JAZF1: variants seen among roughly 807,000 people sequenced by gnomAD.
JAZF1 encodes JAZF zinc finger 1, also known as juxtaposed with another zinc finger protein 1.
A neutral mutation model predicts 26.4 loss-of-function variants in JAZF1; 8 were observed. The ratio of observed to expected loss-of-function variants is 0.30; its 90% CI spans 0.18 to 0.55. The LOEUF (loss-of-function observed/expected upper bound fraction) is 0.55. JAZF1 is among the 20% of genes least tolerant of loss of function. JAZF1 has a pLI of 0.94. For synonymous variants in JAZF1, 126 were observed against 122.3 expected (o/e 1.03, Z -0.20); for missense variants, 199 against 322.0 (o/e 0.62, Z 2.92).
chr7:27,964,863 C>T (rs1004105832), intron 2 of JAZF1, among the ~76,000 whole-genome samples: 1 of 152,004 alleles, frequency 6.6e-6, no homozygotes, highest in Non-Finnish European at 1.5e-5. Context: ...CAATAAAAGT[C>T]ATTTTAAAAA....
At chr7:27,994,108 C>A (rs1431428045) in intron 1 of JAZF1, among the ~76,000 whole-genome samples, 1 of 152,080 alleles carries the variant, frequency 6.6e-6, no homozygotes, top group Non-Finnish European at 1.5e-5. Flanking sequence ...TGTATGTGTA[C>A]AAAGATACAT....
chr7:28,179,045 T>A (rs1783590431), intron 1 of JAZF1, among the ~76,000 whole-genome samples: 1 of 152,224 alleles, frequency 6.6e-6, no homozygotes, highest in African/African-American at 2.4e-5. Flanking sequence ...CTCATTTTAT[T>A]CCTGCATAAA....
intron 2 of JAZF1, among the ~76,000 whole-genome samples, chr7:27,964,579 C>T (rs4722750): frequency 0.13 from 18,970 of 151,536 alleles, 1,357 homozygotes; most frequent in African/African-American, 0.19. Context: ...AATGATCCAC[C>T]CCTACCACCA....
At position 28,072,961 on chromosome 7, in the gene JAZF1, C is replaced by CA. The variant is rs1783999434; in HGVS notation, c.116-80981_116-80980insT. ...GTATTTAAGAAAAGTACAAAGACAA[C>CA]CTCTCTCACCTTGTTCCCCTCCTCC... On this transcript the variant is annotated intron_variant, in intron 1 of 4. Transcript: ENST00000283928. Among the ~76,000 whole-genome samples the CA allele has an allele frequency of 2.6e-5, 4 of 152,224 alleles. No individual in the cohort carries two copies. In the South Asian group the frequency reaches 6.2e-4, roughly 24 times the overall value.
At chr7:28,050,916 A>G (rs1223528432) in intron 1 of JAZF1, among the ~76,000 whole-genome samples, 1 of 152,030 alleles carries the variant, frequency 6.6e-6, no homozygotes, top group African/African-American at 2.4e-5. Context: ...GGCGGATCAC[A>G]AGGTCAGGAG....
At chr7:28,121,983 G>C (rs949851642) in intron 1 of JAZF1, among the ~76,000 whole-genome samples, 3 of 152,150 alleles carry the variant, frequency 2.0e-5, no homozygotes, top group African/African-American at 7.2e-5. Context: ...AAAAAGAAAA[G>C]TTTTCAAGAT....
intron 1 of JAZF1, among the ~76,000 whole-genome samples, chr7:28,040,382 T>G (rs527349483): frequency 1.6e-4 from 24 of 152,248 alleles, no homozygotes; most frequent in African/African-American, 4.1e-4. Context: ...AACAAATATG[T>G]AAGAAAATAT....
At chr7:28,137,218 AG>A in intron 1 of JAZF1, among the ~76,000 whole-genome samples, 1 of 152,310 alleles carries the variant, frequency 6.6e-6, no homozygotes, top group South Asian at 2.1e-4. Context: ...TAAGCATCTG[AG>A]GGCAGGAAGG....
intron 3 of JAZF1, chr7:27,846,495 T>C (rs1243882403): frequency 2.1e-6 from 1 of 470,988 alleles, no homozygotes. Context: ...TCTGCTGTAA[T>C]GCTGGGAGAA....
In JAZF1 at chr7:27,851,692, AC is replaced by A. The variant is rs1386870533; in HGVS notation, c.386-10826del. Among the ~76,000 whole-genome samples, 9 of 152,196 alleles carry A rather than the reference AC, an allele frequency of 5.9e-5. No individual in the cohort carries two copies. In the East Asian group the frequency reaches 1.5e-3, roughly 26 times the overall value. On this transcript the variant is annotated intron_variant, in intron 3 of 4. Coordinates refer to ENST00000283928, the MANE Select transcript of JAZF1 (RefSeq NM_175061.4). ...AAGGCAAGACCTTGTCTCCTAAAAAACAAAAAAATGCAAACCAAAAAACGAA... is the reference window on the plus strand; with the variant it reads ...AAGGCAAGACCTTGTCTCCTAAAAAAAAAAAAATGCAAACCAAAAAACGAA...
chr7:27,889,191 T>C (rs1783924109), intron 3 of JAZF1, among the ~76,000 whole-genome samples: 1 of 151,928 alleles, frequency 6.6e-6, no homozygotes, highest in Admixed American at 6.6e-5. Flanking sequence ...TGAATCAGAG[T>C]GGCTGTGGGT....
Position 28,126,135 on chromosome 7 carries a change from C to T in JAZF1, c.115+54328G>A, listed in dbSNP as rs187560729. On this transcript the variant is annotated intron_variant, in intron 1 of 4. Coordinates refer to ENST00000283928, the MANE Select transcript of JAZF1 (RefSeq NM_175061.4). The stretch of plus-strand genomic sequence containing the variant: ...GGGTTAGGGGTGGGAAGGATGTAGC[C>T]CCTTCATAATCTCCATCATCCCCCA... Among the ~76,000 whole-genome samples, 9 of 152,216 alleles carry T rather than the reference C, an allele frequency of 5.9e-5. No homozygotes were observed. The East Asian group carries it at 1.7e-3, about 29-fold the overall frequency.
In JAZF1 at chr7:28,002,139, A is replaced by T. The variant is rs187401701; in HGVS notation, c.116-10158T>A. Among the ~76,000 whole-genome samples the T allele has an allele frequency of 7.2e-3, 1,101 of 152,308 alleles. 14 individuals carry two copies. The highest frequency in any genetic ancestry group is 0.026 in the African/African-American group (1,063 of 41,544). ...CAAAGCATGTCTCTCAAAACAAAACAATCATATTCCATAAAACCCCAACTA... is the reference window on the plus strand; with the variant it reads ...CAAAGCATGTCTCTCAAAACAAAACTATCATATTCCATAAAACCCCAACTA... On this transcript the variant is annotated intron_variant, in intron 1 of 4. Coordinates refer to ENST00000283928, the MANE Select transcript of JAZF1 (RefSeq NM_175061.4).
chr7:28,155,888 A>G (rs1014956476), intron 1 of JAZF1, among the ~76,000 whole-genome samples: 5 of 152,200 alleles, frequency 3.3e-5, no homozygotes, highest in Non-Finnish European at 5.9e-5. Context: ...TAACCTCACA[A>G]TGCCTCTGCT....
At position 28,000,594 on chromosome 7, in the gene JAZF1, T is replaced by C. The variant is rs377759165; in HGVS notation, c.116-8613A>G. 9.4e-3 allele frequency among the ~76,000 whole-genome samples: 1,308 copies of C among 139,554 alleles called. 19 individuals carry two copies. The highest frequency in any genetic ancestry group is 0.033 in the African/African-American group (1,233 of 37,534). 91.6% of individuals were successfully genotyped at this position (139,554 alleles called of 152,430 possible). On this transcript the variant is annotated intron_variant, in intron 1 of 4. Coordinates refer to ENST00000283928, the MANE Select transcript of JAZF1 (RefSeq NM_175061.4). Reference sequence around the variant, plus strand: ...TTGGACCTAGATAAGTGCTCCTATTTTCTTTTTCTTTCTTTCTTTCTTTCT... The same window carrying C: ...TTGGACCTAGATAAGTGCTCCTATTCTCTTTTTCTTTCTTTCTTTCTTTCT...
intron 1 of JAZF1, among the ~76,000 whole-genome samples, chr7:28,158,325 A>G (rs1218843436): frequency 6.6e-6 from 1 of 152,144 alleles, no homozygotes; most frequent in Non-Finnish European, 1.5e-5. Context: ...TAATGGAGGC[A>G]GTAGTTATTG....
In JAZF1 at chr7:27,991,969, C is replaced by A; in HGVS notation, c.128G>T (p.Arg43Leu). 1 of 1,601,458 alleles carries A rather than the reference C, an allele frequency of 6.2e-7. No homozygotes were observed. Among genetic ancestry groups the A allele is most frequent in the South Asian group, 1.1e-5 (1 of 90,490 alleles). The change falls in exon 2 of 5, where the codon CGG becomes CTG. Residue 43 changes from arginine (R) to leucine (L), a missense_variant. By Grantham distance (102) the Arg-to-Leu change is moderately radical (BLOSUM62 -2). Transcript: ENST00000283928. ...IEDNHIDTDP[R>L]VLEKQELQQP... Reference sequence around the variant, plus strand: ...CTGTAATTCTTGTTTTTCTAAAACCCGTGGATCTGTATCTGTAATAAAAAC... The same window carrying A: ...CTGTAATTCTTGTTTTTCTAAAACCAGTGGATCTGTATCTGTAATAAAAAC...
At chr7:27,855,243 T>C (rs1052495349) in intron 3 of JAZF1, among the ~76,000 whole-genome samples, 1 of 152,006 alleles carries the variant, frequency 6.6e-6, no homozygotes, top group African/African-American at 2.4e-5. Context: ...GAGGGAAATT[T>C]ATAGCACTAA....
intron 3 of JAZF1, among the ~76,000 whole-genome samples, chr7:27,868,965 G>A (rs981893020): frequency 5.3e-5 from 8 of 152,152 alleles, no homozygotes; most frequent in African/African-American, 7.2e-5. Flanking sequence ...AGGTGTGTGG[G>A]CTCTTTCCTC....
Sources: allele counts gnomAD v4.1 joint callset (sites outside exome capture counted in the v4.1 genomes callset), GRCh38; gene constraint gnomAD v4.1.1; transcripts MANE v1.5; gene names NCBI Gene and HGNC (gene_info 2026-07-23, HGNC 2026-07-21).